WDR72: variants seen among roughly 807,000 people sequenced by gnomAD.
WDR72 encodes WD repeat domain 72.
Under a neutral mutation model 124.2 loss-of-function variants are expected in WDR72, and 120 were observed. The ratio of observed to expected loss-of-function variants is 0.97; its 90% CI spans 0.83 to 1.12. The LOEUF is 1.12. WDR72 is among the 50% of genes most tolerant of loss of function. The pLI, the probability that WDR72 is intolerant of heterozygous loss-of-function variation, is 0.00. For missense variants in WDR72, 1,387 were observed against 1,278.8 expected (o/e 1.08, Z -1.29); for synonymous variants, 452 against 441.7 (o/e 1.02, Z -0.29).
intron 18 of WDR72, among the ~76,000 whole-genome samples, chr15:53,574,494 C>T (rs907394976): frequency 1.3e-5 from 2 of 152,118 alleles, no homozygotes; most frequent in East Asian, 1.9e-4. Flanking sequence ...ACTCAGATTT[C>T]GGAAATGATA....
At chr15:53,627,865 G>C (rs553337555) in intron 14 of WDR72, among the ~76,000 whole-genome samples, 2 of 152,072 alleles carry the variant, frequency 1.3e-5, no homozygotes, top group Admixed American at 1.3e-4. Context: ...TATTTTACAT[G>C]TTTAATTTCA....
intron 18 of WDR72, among the ~76,000 whole-genome samples, chr15:53,547,224 C>T (rs1465300757): frequency 6.6e-6 from 1 of 152,194 alleles, no homozygotes; most frequent in Non-Finnish European, 1.5e-5. Flanking sequence ...ACACCAAGTC[C>T]TGGGTTTAAG....
chr15:53,675,777 G>A (rs2016152311), intron 13 of WDR72, among the ~76,000 whole-genome samples: 1 of 152,120 alleles, frequency 6.6e-6, no homozygotes, highest in South Asian at 2.1e-4. Flanking sequence ...TTTTTCCTGG[G>A]AAGAGGAAGA....
intron 14 of WDR72, among the ~76,000 whole-genome samples, chr15:53,657,907 C>G (rs767296306): frequency 6.6e-6 from 1 of 152,110 alleles, no homozygotes; most frequent in African/African-American, 2.4e-5. Flanking sequence ...TTTTCAGTTG[C>G]TATCTCAGCC....
intron 18 of WDR72, among the ~76,000 whole-genome samples, chr15:53,563,713 G>A (rs1595762483): frequency 6.6e-6 from 1 of 151,816 alleles, no homozygotes; most frequent in East Asian, 1.9e-4. Context: ...CTTGCAGAAT[G>A]TTGGTTGGAT....
intron 2 of WDR72, among the ~76,000 whole-genome samples, chr15:53,726,558 C>G (rs1445973175): frequency 6.6e-6 from 1 of 152,058 alleles, no homozygotes; most frequent in Non-Finnish European, 1.5e-5. Flanking sequence ...AATATCGATG[C>G]TGGCCAAGCA....
At chr15:53,750,752 T>G (rs72730624) in intron 1 of WDR72, among the ~76,000 whole-genome samples, 2 of 152,032 alleles carry the variant, frequency 1.3e-5, no homozygotes, top group African/African-American at 4.8e-5. Flanking sequence ...CCAACCCTCA[T>G]AGATGACTTG....
chr15:53,627,844 A>G (rs1482610320), intron 14 of WDR72, among the ~76,000 whole-genome samples: 1 of 152,170 alleles, frequency 6.6e-6, no homozygotes, highest in African/African-American at 2.4e-5. Flanking sequence ...CTCAATATAA[A>G]TAAGCTATAC....
chr15:53,646,582 CA>C, intron 14 of WDR72, among the ~76,000 whole-genome samples: 1 of 152,168 alleles, frequency 6.6e-6, no homozygotes, highest in East Asian at 1.9e-4. Flanking sequence ...GACTGGTTAA[CA>C]AACAAGAGAC....
chr15:53,616,880 C>CT (rs1416223692), intron 14 of WDR72, among the ~76,000 whole-genome samples: 9 of 151,838 alleles, frequency 5.9e-5, no homozygotes, highest in Admixed American at 5.3e-4. Flanking sequence ...ATCTTCCTTG[C>CT]TTTTTTTCTT....
intron 14 of WDR72, among the ~76,000 whole-genome samples, chr15:53,650,793 C>CAACAA (rs532598391): frequency 1.2e-3 from 186 of 150,466 alleles, no homozygotes; most frequent in Non-Finnish European, 2.4e-3. Context: ...TTAAAACAAA[C>CAACAA]AACAAAACAA....
intron 1 of WDR72, chr15:53,756,663 T>A (rs1291294568): frequency 6.6e-6 from 1 of 152,194 alleles, no homozygotes; most frequent in African/African-American, 2.4e-5. Context: ...TTGCTACCAC[T>A]TACTGACTAT....
chr15:53,600,784 A>C (rs2140345115), intron 17 of WDR72, among the ~76,000 whole-genome samples: 1 of 152,288 alleles, frequency 6.6e-6, no homozygotes, highest in African/African-American at 2.4e-5. Context: ...TTCTAGCTGG[A>C]GGCCTACATT....
At chr15:53,638,510 TG>T (rs2014709239) in intron 14 of WDR72, among the ~76,000 whole-genome samples, 1 of 152,116 alleles carries the variant, frequency 6.6e-6, no homozygotes, top group South Asian at 2.1e-4. Context: ...ATTTTGTTAT[TG>T]GTACTTTAAC....
chr15:53,535,713 T>C (rs1033270906), intron 18 of WDR72, among the ~76,000 whole-genome samples: 1 of 152,162 alleles, frequency 6.6e-6, no homozygotes, highest in African/African-American at 2.4e-5. Context: ...TTCCATTTCA[T>C]TGACAAATCT....
intron 18 of WDR72, among the ~76,000 whole-genome samples, chr15:53,591,685 AACACACACACACACACACACACAC>A (rs67873847): frequency 2.0e-5 from 3 of 148,930 alleles, no homozygotes; most frequent in South Asian, 2.2e-4. Context: ...CAACACACAC[AACACACACACACACACACACACAC>A]ACACACACAC....
chr15:53,648,749 G>C (rs1385901389), intron 14 of WDR72, among the ~76,000 whole-genome samples: 4 of 151,676 alleles, frequency 2.6e-5, no homozygotes, highest in African/African-American at 7.3e-5. Context: ...CAGAGAGTAT[G>C]CTCACTAAAA....
rs771688427 is a variant in WDR72, at chr15:53,722,882, A to G, written c.180T>C (p.Gly60=). The change falls in exon 3 of 20, where the codon GGT becomes GGC. Residue 60 remains glycine (G), a synonymous_variant. Transcript: ENST00000360509. ...LKISAKELLF[G]HSASVTCLAR... ...CCAAACATGTTACCGAAGCTGAATGACCAAATAGGAGTTCTTTCGCTGAAA... is the reference window on the plus strand; with the variant it reads ...CCAAACATGTTACCGAAGCTGAATGGCCAAATAGGAGTTCTTTCGCTGAAA... The G allele has an allele frequency of 1.2e-6, 2 of 1,614,166 alleles. No individual in the cohort carries two copies. The highest frequency in any genetic ancestry group is 1.7e-6 in the Non-Finnish European group (2 of 1,180,012).
At chr15:53,677,088 T>C (rs144287446) in intron 13 of WDR72, among the ~76,000 whole-genome samples, 1,984 of 152,028 alleles carry the variant, frequency 0.013, 32 homozygotes, top group East Asian at 0.068. Context: ...GCCCAGCTAA[T>C]TTTTTGTATT....
Sources: allele counts gnomAD v4.1 joint callset (sites outside exome capture counted in the v4.1 genomes callset), GRCh38; gene constraint gnomAD v4.1.1; transcripts MANE v1.5; gene names NCBI Gene and HGNC (gene_info 2026-07-23, HGNC 2026-07-21).